RAB33A: variants seen among roughly 807,000 people sequenced by gnomAD.
The protein encoded by RAB33A is ras-related protein Rab-33A.
A neutral mutation model predicts 12.0 loss-of-function variants in RAB33A; 6 were observed. The ratio of observed to expected loss-of-function variants is 0.50; its 90% CI spans 0.27 to 0.99. The LOEUF is 0.99. Among genes scored for constraint, RAB33A ranks in the 50% least tolerant of loss-of-function variants. RAB33A has a pLI of 0.11. For missense variants in RAB33A, 109 were observed against 192.0 expected (o/e 0.57, Z 2.55); for synonymous variants, 70 against 82.4 (o/e 0.85, Z 0.81).
At chrX:130,121,252 CT>C in the RAB33A span, among the ~76,000 whole-genome samples, 2,318 of 94,704 alleles carry the variant, frequency 0.024, 61 homozygotes, top group African/African-American at 0.081. Flanking sequence ...CTTTTCTTTT[CT>C]TTTTTTTTTT....
intron 1 of RAB33A, among the ~76,000 whole-genome samples, chrX:130,176,616 A>C (rs1321374716): frequency 8.9e-6 from 1 of 112,325 alleles, no homozygotes; most frequent in Admixed American, 9.4e-5. Flanking sequence ...TTTCTTCCTT[A>C]GGGCTTCTGA....
the RAB33A span, among the ~76,000 whole-genome samples, chrX:130,165,033 T>C: frequency 5.5e-3 from 596 of 108,642 alleles, 2 homozygotes; most frequent in Non-Finnish European, 9.1e-3. Context: ...ATTCTCTGGG[T>C]GTCTGGTACA....
At chrX:130,173,098 A>T (rs986903289) in intron 1 of RAB33A, among the ~76,000 whole-genome samples, 1 of 112,120 alleles carries the variant, frequency 8.9e-6, no homozygotes, top group Non-Finnish European at 1.9e-5. Flanking sequence ...GGGCCAGGGG[A>T]ATGTTCAATC....
chrX:130,117,952 C>A, the RAB33A span, among the ~76,000 whole-genome samples: 1 of 112,288 alleles, frequency 8.9e-6, no homozygotes, highest in Non-Finnish European at 1.9e-5. Flanking sequence ...ATTGTCAACA[C>A]AGGGAGGTTT....
the RAB33A span, among the ~76,000 whole-genome samples, chrX:130,116,215 C>T: frequency 1.9e-5 from 2 of 107,324 alleles, no homozygotes; most frequent in East Asian, 2.9e-4. Context: ...AAGTGATTCT[C>T]CTGCCTCAGC....
chrX:130,133,072 A>G, the RAB33A span, among the ~76,000 whole-genome samples: 1 of 111,631 alleles, frequency 9.0e-6, no homozygotes, highest in Non-Finnish European at 1.9e-5. Flanking sequence ...GCCAGACAGA[A>G]CACTTAAAAT....
chrX:130,129,684 T>C, the RAB33A span: 2 of 1,076,824 alleles, frequency 1.9e-6, no homozygotes, highest in Non-Finnish European at 1.3e-6. Context: ...GTTCAGGCCA[T>C]GCCCACACAA....
chrX:130,180,541 G>A (rs1209360333), intron 1 of RAB33A, among the ~76,000 whole-genome samples: 4 of 111,036 alleles, frequency 3.6e-5, no homozygotes, highest in African/African-American at 1.3e-4. Context: ...TGCAAGCTCC[G>A]TCTTCCGGGC....
chrX:130,162,465 T>C, the RAB33A span, among the ~76,000 whole-genome samples: 6 of 112,316 alleles, frequency 5.3e-5, no homozygotes, highest in African/African-American at 1.9e-4. Context: ...AAACATGATC[T>C]AGAAGAAAGC....
At chrX:130,114,137 A>G in the RAB33A span, among the ~76,000 whole-genome samples, 1,878 of 112,283 alleles carry the variant, frequency 0.017, 30 homozygotes, top group African/African-American at 0.058. Context: ...TCAAGGCAGC[A>G]TGCAAGGAGA....
chrX:130,146,832 T>C, the RAB33A span, among the ~76,000 whole-genome samples: 1 of 112,100 alleles, frequency 8.9e-6, no homozygotes, highest in Non-Finnish European at 1.9e-5. Flanking sequence ...AAAAGTTTCT[T>C]TTCTTCTGCT....
chrX:130,183,615 A>G (rs2031755807), intron 1 of RAB33A, among the ~76,000 whole-genome samples: 1 of 111,155 alleles, frequency 9.0e-6, no homozygotes, highest in Non-Finnish European at 1.9e-5. Context: ...CCACATCCCT[A>G]TTTCTTTTGT....
At chrX:130,111,065 C>CCCGG in the RAB33A span, among the ~76,000 whole-genome samples, 1 of 105,209 alleles carries the variant, frequency 9.5e-6, no homozygotes, top group Non-Finnish European at 2.0e-5. Context: ...GCCCGTCCGC[C>CCCGG]CCGGCCCGCC....
the RAB33A span, among the ~76,000 whole-genome samples, chrX:130,150,858 C>G: frequency 9.9e-6 from 1 of 101,277 alleles, no homozygotes; most frequent in African/African-American, 3.6e-5. Flanking sequence ...GCCTGTAGTC[C>G]CAGCTACTTG....
At chrX:130,179,838 T>C (rs2031703317) in intron 1 of RAB33A, among the ~76,000 whole-genome samples, 1 of 103,452 alleles carries the variant, frequency 9.7e-6, no homozygotes, top group Non-Finnish European at 2.0e-5. Context: ...GTGACGAGTG[T>C]GGTCTGATGC....
At chrX:130,149,255 A>T in the RAB33A span, among the ~76,000 whole-genome samples, 1 of 111,653 alleles carries the variant, frequency 9.0e-6, no homozygotes, top group Non-Finnish European at 1.9e-5. Context: ...ATAAACAACC[A>T]ATCATAATTA....
chrX:130,175,336 T>C (rs1486023482), intron 1 of RAB33A, among the ~76,000 whole-genome samples: 4 of 110,339 alleles, frequency 3.6e-5, no homozygotes, highest in Admixed American at 9.8e-5. Context: ...GTCCCCTAGA[T>C]TGGGGGAGTT....
At chrX:130,143,431 T>C in the RAB33A span, among the ~76,000 whole-genome samples, 2 of 111,720 alleles carry the variant, frequency 1.8e-5, no homozygotes, top group African/African-American at 3.3e-5. Context: ...GGCTAGAAAT[T>C]AGAAAATCAT....
At chrX:130,135,248 G>A in the RAB33A span, among the ~76,000 whole-genome samples, 2 of 108,385 alleles carry the variant, frequency 1.8e-5, no homozygotes, top group African/African-American at 3.4e-5. Flanking sequence ...CACCACACCC[G>A]GCTAATTTTT....
Sources: gnomAD v4.1 joint callset for allele counts (sites outside exome capture counted in the v4.1 genomes callset) on GRCh38, gnomAD v4.1.1 for gene constraint, MANE v1.5 for transcripts, NCBI Gene and HGNC (gene_info 2026-07-23, HGNC 2026-07-21) for gene names.